The following KCNH7 variants were observed in gnomAD, a reference collection of about 807,000 sequenced individuals.
KCNH7 encodes the protein potassium voltage-gated channel subfamily H member 7.
Under a neutral mutation model 120.8 loss-of-function variants are expected in KCNH7, and 49 were observed. The ratio of observed to expected loss-of-function variants is 0.41; its 90% CI spans 0.32 to 0.51. The LOEUF (loss-of-function observed/expected upper bound fraction) is 0.51. KCNH7 is among the 20% of genes least tolerant of loss of function. KCNH7 has a pLI of 0.38. For synonymous variants in KCNH7, 547 were observed against 516.1 expected, an observed-to-expected ratio of 1.06 and a Z score of -0.81; for missense variants, 1,097 against 1,446.6, an observed-to-expected ratio of 0.76 and a Z score of 3.92.
At chr2:162,525,286 G>T (rs1359906078) in intron 3 of KCNH7, among the ~76,000 whole-genome samples, 2 of 151,962 alleles carry the variant, frequency 1.3e-5, no homozygotes, top group Non-Finnish European at 2.9e-5. Context: ...GCTGTAGCAA[G>T]GCTTGAGAAC....
At chr2:162,536,071 G>A (rs1051071022) in intron 3 of KCNH7, among the ~76,000 whole-genome samples, 3 of 151,806 alleles carry the variant, frequency 2.0e-5, no homozygotes, top group Non-Finnish European at 2.9e-5. Flanking sequence ...GAAAGGAAGT[G>A]ATTTATTTAG....
chr2:162,794,370 T>C (rs946423462), intron 2 of KCNH7, among the ~76,000 whole-genome samples: 2 of 152,148 alleles, frequency 1.3e-5, no homozygotes, highest in Non-Finnish European at 2.9e-5. Context: ...ATCTACTTCT[T>C]GTTCTTGCCT....
intron 6 of KCNH7, among the ~76,000 whole-genome samples, chr2:162,493,280 G>C (rs150694585): frequency 6.6e-6 from 1 of 152,056 alleles, no homozygotes; most frequent in Non-Finnish European, 1.5e-5. Context: ...ATATGTGTTA[G>C]ATGTGTGATG....
chr2:162,573,712 T>C (rs1267702849), intron 2 of KCNH7, among the ~76,000 whole-genome samples: 6 of 152,002 alleles, frequency 3.9e-5, no homozygotes, highest in African/African-American at 1.4e-4. Flanking sequence ...TTAACAAAAT[T>C]ATTCTAGGTA....
At chr2:162,439,361 A>C (rs1573959782) in intron 7 of KCNH7, among the ~76,000 whole-genome samples, 1 of 152,132 alleles carries the variant, frequency 6.6e-6, no homozygotes, top group East Asian at 1.9e-4. Context: ...AAATACAAAC[A>C]CATAATGAAA....
chr2:162,762,706 T>C (rs1046016357), intron 2 of KCNH7, among the ~76,000 whole-genome samples: 5 of 152,106 alleles, frequency 3.3e-5, no homozygotes, highest in Admixed American at 2.0e-4. Context: ...TTAGTCATAG[T>C]GTCAGTATAT....
At chr2:162,518,576 G>A (rs1195247044) in intron 3 of KCNH7, among the ~76,000 whole-genome samples, 3 of 151,764 alleles carry the variant, frequency 2.0e-5, no homozygotes, top group Non-Finnish European at 4.4e-5. Context: ...ATACATGTAT[G>A]GGTGATGGGG....
chr2:162,656,287 T>A (rs541670349), intron 2 of KCNH7, among the ~76,000 whole-genome samples: 1 of 152,288 alleles, frequency 6.6e-6, no homozygotes, highest in Admixed American at 6.5e-5. Context: ...TTCTAAACAT[T>A]CTATAAAAAG....
chr2:162,677,587 T>A (rs996938073), intron 2 of KCNH7, among the ~76,000 whole-genome samples: 1 of 151,558 alleles, frequency 6.6e-6, no homozygotes, highest in African/African-American at 2.4e-5. Context: ...GTACTCTAGA[T>A]GAGCATATGT....
At chr2:162,389,364 A>G (rs1434147659) in intron 12 of KCNH7, among the ~76,000 whole-genome samples, 1 of 152,006 alleles carries the variant, frequency 6.6e-6, no homozygotes, top group South Asian at 2.1e-4. Context: ...TGCTAAGGCT[A>G]AGAAAAATTA....
At chr2:162,511,427 C>T (rs547009939) in intron 5 of KCNH7, among the ~76,000 whole-genome samples, 1 of 149,274 alleles carries the variant, frequency 6.7e-6, no homozygotes, top group Admixed American at 6.8e-5. Flanking sequence ...ATGCAAACCA[C>T]CACACACAGT....
intron 2 of KCNH7, among the ~76,000 whole-genome samples, chr2:162,562,855 T>G (rs1436239860): frequency 6.6e-6 from 1 of 152,186 alleles, no homozygotes; most frequent in Non-Finnish European, 1.5e-5. Flanking sequence ...CTAGAATCCA[T>G]CTTTTGTATT....
chr2:162,816,257 C>CAAAAAAAAAAAAAAAAAAAAAAAAA (rs10599191), intron 2 of KCNH7, among the ~76,000 whole-genome samples: 2 of 59,988 alleles, frequency 3.3e-5, no homozygotes, highest in African/African-American at 6.6e-5. Flanking sequence ...AACTCCATCT[C>CAAAAAAAAAAAAAAAAAAAAAAAAA]AAAAAAAAAA....
chr2:162,472,879 C>T (rs1429150959), intron 6 of KCNH7, among the ~76,000 whole-genome samples: 1 of 152,006 alleles, frequency 6.6e-6, no homozygotes, highest in Non-Finnish European at 1.5e-5. Context: ...GAAAATGTGG[C>T]ATATAAACAC....
intron 2 of KCNH7, among the ~76,000 whole-genome samples, chr2:162,610,692 T>A (rs1248437849): frequency 6.6e-6 from 1 of 152,204 alleles, no homozygotes; most frequent in African/African-American, 2.4e-5. Context: ...TTATCTCATC[T>A]CTGCTAAGGT....
In KCNH7 at chr2:162,739,367, G is replaced by A. The variant is rs377273100; in HGVS notation, c.307+97170C>T. Among the ~76,000 whole-genome samples, 114 of 152,100 alleles carry A rather than the reference G, an allele frequency of 7.5e-4. 1 individual carries two copies. The highest frequency in any genetic ancestry group is 2.0e-3 in the African/African-American group (85 of 41,480). On this transcript the variant is annotated intron_variant, in intron 2 of 15. Coordinates refer to ENST00000332142, the MANE Select transcript of KCNH7 (RefSeq NM_033272.4). ...TCTACTCTCATTTCTGATTGTTGTC[G>A]CCATGGATTCTTAGATACCTCATCT... is the stretch of plus-strand genomic sequence containing the variant.
intron 2 of KCNH7, among the ~76,000 whole-genome samples, chr2:162,790,412 A>G (rs1334893431): frequency 2.0e-5 from 3 of 152,170 alleles, no homozygotes; most frequent in African/African-American, 7.2e-5. Flanking sequence ...CAAACCTCTG[A>G]AAAAAATTAA....
chr2:162,624,005 C>T (rs1292542101), intron 2 of KCNH7, among the ~76,000 whole-genome samples: 1 of 152,190 alleles, frequency 6.6e-6, no homozygotes, highest in East Asian at 1.9e-4. Flanking sequence ...GACAATATCT[C>T]ATGCCATCCT....
At chr2:162,775,360 A>G (rs893459344) in intron 2 of KCNH7, among the ~76,000 whole-genome samples, 6 of 152,142 alleles carry the variant, frequency 3.9e-5, no homozygotes, top group African/African-American at 1.2e-4. Context: ...TCTTTGTTGC[A>G]CAAAATACTT....
Sources: gnomAD v4.1 joint callset for allele counts (sites outside exome capture counted in the v4.1 genomes callset) on GRCh38, gnomAD v4.1.1 for gene constraint, MANE v1.5 for transcripts, NCBI Gene and HGNC (gene_info 2026-07-23, HGNC 2026-07-21) for gene names.